LONRF2: variants seen among roughly 807,000 people sequenced by gnomAD.
The protein encoded by LONRF2 is LON peptidase N-terminal domain and ring finger 2, also known as LON peptidase N-terminal domain and RING finger protein 2.
In LONRF2, 35 loss-of-function variants were observed where a neutral mutation model predicts 66.6. The ratio of observed to expected loss-of-function variants is 0.53; its 90% CI spans 0.40 to 0.70. The LOEUF (loss-of-function observed/expected upper bound fraction) is 0.70. Among genes scored for constraint, LONRF2 ranks in the 30% least tolerant of loss-of-function variants. The pLI is 0.00. For missense variants in LONRF2, 902 were observed against 1,002.1 expected (o/e 0.90, Z 1.35); for synonymous variants, 417 against 418.1 (o/e 1.00, Z 0.03).
At chr2:100,295,310 C>A in intron 8 of LONRF2, 122 bp downstream of exon 8, 2 of 808,288 alleles carry the variant, frequency 2.5e-6, no homozygotes, top group Non-Finnish European at 3.6e-6. Context: ...TTGCAATTAA[C>A]ATCCTTTTCC....
chr2:100,316,455 T>C (rs931115050), intron 1 of LONRF2, among the ~76,000 whole-genome samples: 1 of 151,984 alleles, frequency 6.6e-6, no homozygotes, highest in Non-Finnish European at 1.5e-5. Context: ...TATAAAAATA[T>C]ATTGCTTAAT....
chr2:100,309,956 A>G (rs1675376543), intron 1 of LONRF2, among the ~76,000 whole-genome samples: 1 of 152,196 alleles, frequency 6.6e-6, no homozygotes, highest in South Asian at 2.1e-4. Flanking sequence ...TACAGGTGTG[A>G]GCCACCATGC....
At chr2:100,305,660 G>A (rs1168358910) in intron 2 of LONRF2, among the ~76,000 whole-genome samples, 2 of 152,158 alleles carry the variant, frequency 1.3e-5, no homozygotes, top group African/African-American at 4.8e-5. Context: ...GACATGATGA[G>A]TACTTTAGAC....
intron 1 of LONRF2, among the ~76,000 whole-genome samples, chr2:100,316,335 A>AAAAAG (rs1675506679): frequency 8.8e-6 from 1 of 113,380 alleles, no homozygotes; most frequent in Admixed American, 9.2e-5. Context: ...AAAAAAAAAA[A>AAAAAG]AAAGAAAGAA....
chr2:100,316,861 G>T (rs1024884155), intron 1 of LONRF2, among the ~76,000 whole-genome samples: 1 of 152,028 alleles, frequency 6.6e-6, no homozygotes, highest in South Asian at 2.1e-4. Flanking sequence ...TACACTTGTT[G>T]TTAGGTGCAT....
chr2:100,296,123 G>A (rs569693951), intron 7 of LONRF2, among the ~76,000 whole-genome samples: 1 of 152,214 alleles, frequency 6.6e-6, no homozygotes, highest in South Asian at 2.1e-4. Context: ...GGGAAGGTAG[G>A]AGACTGAACA....
chr2:100,304,622 A>ATTTT, intron 2 of LONRF2, among the ~76,000 whole-genome samples: 1 of 99,898 alleles, frequency 1.0e-5, no homozygotes, highest in African/African-American at 4.2e-5. Flanking sequence ...ATTTTAGTTG[A>ATTTT]CTGTTTTTTT....
At chr2:100,317,637 C>G (rs958976418) in intron 1 of LONRF2, among the ~76,000 whole-genome samples, 12 of 152,278 alleles carry the variant, frequency 7.9e-5, no homozygotes, top group African/African-American at 2.4e-4. Context: ...TCATGAAATG[C>G]AATTCTGATG....
chr2:100,275,625 A>T lies in LONRF2; in HGVS notation c.*8673T>A, dbSNP rs1168283611. On this transcript the variant is annotated 3_prime_UTR_variant, in exon 12 of 12. Coordinates refer to ENST00000393437, the MANE Select transcript of LONRF2 (RefSeq NM_198461.4). ...TCCTCAATCCGGTGGGATGCAAAGG[A>T]TCTATCCATAGAGACCAGTGGCTTG... is the stretch of plus-strand genomic sequence containing the variant. 1 of 152,184 alleles carries T rather than the reference A, an allele frequency of 6.6e-6. No individual in the cohort carries two copies. Among genetic ancestry groups the T allele is most frequent in the Non-Finnish European group, 1.5e-5 (1 of 68,058 alleles). The allele number at this position is 152,184 out of a possible 1,614,324, so 9.4% of individuals were successfully genotyped here.
rs1234493722 is a variant in LONRF2 at position 100,283,129 on chromosome 2, A to G, written c.*1169T>C. The G allele has an allele frequency of 5.9e-5, 9 of 152,198 alleles. No homozygotes were observed. The highest frequency in any genetic ancestry group is 1.0e-4 in the Non-Finnish European group (7 of 68,036). 9.4% of individuals were successfully genotyped at this position (152,198 alleles called of 1,614,324 possible). On this transcript the variant is annotated 3_prime_UTR_variant, in exon 12 of 12. Coordinates refer to ENST00000393437, the MANE Select transcript of LONRF2 (RefSeq NM_198461.4). ...TATCTCAGATTCAGTTATTCCAATC[A>G]ATATCACCAACGTGCATTACAGGAT...
intron 4 of LONRF2, 128 bp from the exon 5 acceptor site, chr2:100,300,046 A>C: frequency 1.6e-6 from 1 of 609,104 alleles, no homozygotes; most frequent in South Asian, 2.1e-5. Context: ...CTTCTTCATA[A>C]TTGGTTTCAT....
intron 10 of LONRF2, among the ~76,000 whole-genome samples, chr2:100,289,036 G>T (rs759068668): frequency 1.3e-5 from 2 of 152,030 alleles, no homozygotes; most frequent in Non-Finnish European, 2.9e-5. Flanking sequence ...AATTCTTAAG[G>T]GTTAATAAAT....
rs1675454631 is a variant in LONRF2, at chr2:100,313,826, G to A, written c.680-4601C>T. Among the ~76,000 whole-genome samples, 3 of 151,940 alleles carry A rather than the reference G, an allele frequency of 2.0e-5. 1 individual carries two copies. The South Asian group carries it at 6.2e-4, about 32-fold the overall frequency. On this transcript the variant is annotated intron_variant, in intron 1 of 11. Transcript: ENST00000393437. ...TCCTGTTTTCTAACTTCTATAAATG[G>A]ATATTTATAAATGGAATGTACTTTT... is the stretch of plus-strand genomic sequence containing the variant.
At chr2:100,288,249 C>T (rs1262642966) in intron 10 of LONRF2, among the ~76,000 whole-genome samples, 2 of 152,142 alleles carry the variant, frequency 1.3e-5, no homozygotes, top group East Asian at 3.9e-4. Flanking sequence ...CTGCTCTGCT[C>T]CCATGCACTG....
chr2:100,303,087 T>C, intron 2 of LONRF2, 44 bp from the exon 3 acceptor site: 2 of 1,526,830 alleles, frequency 1.3e-6, no homozygotes, highest in Non-Finnish European at 1.8e-6. Flanking sequence ...AAACCCAGCA[T>C]GATTATATAC....
At chr2:100,294,423 G>A (rs1171934635) in intron 8 of LONRF2, 36 bp from the exon 9 acceptor site, 14 of 1,516,536 alleles carry the variant, frequency 9.2e-6, no homozygotes, top group Non-Finnish European at 1.1e-5. Context: ...TCAGATGTAT[G>A]AGCTGTTAGA....
intron 1 of LONRF2, among the ~76,000 whole-genome samples, chr2:100,316,390 TTAGA>T (rs1159556870): frequency 6.6e-6 from 1 of 151,200 alleles, no homozygotes; most frequent in Non-Finnish European, 1.5e-5. Context: ...CTAATAATTA[TTAGA>T]TAATTAGAAA....
In LONRF2 at chr2:100,322,001, G is replaced by C; in HGVS notation, c.93C>G (p.Asp31Glu). 2 of 1,456,650 alleles carry C rather than the reference G, an allele frequency of 1.4e-6. No homozygotes were observed. Among genetic ancestry groups the C allele is most frequent in the Non-Finnish European group, 1.8e-6 (2 of 1,105,604 alleles). The allele number at this position is 1,456,650 out of a possible 1,614,324, so 90.2% of individuals were successfully genotyped here. A position where few individuals can be genotyped will look rare whatever the true frequency, so the allele number is the denominator to read the frequency against. The change falls in exon 1 of 12, where the codon GAC becomes GAG. Residue 31 changes from aspartate (D) to glutamate (E), a missense_variant. Coordinates refer to ENST00000393437, the MANE Select transcript of LONRF2 (RefSeq NM_198461.4). ...CGTAGTCGCCCGCGCGGAAGGCCTC[G>C]TCGCCCTCCTCTAAGCGCTGGGCGA... ...EPIAQRLEEG[D>E]EAFRAGDYEM...
In LONRF2 at chr2:100,277,763, C is replaced by T. The variant is rs1220945459; in HGVS notation, c.*6535G>A. The T allele has an allele frequency of 6.6e-6, 1 of 152,182 alleles. No homozygotes were observed. The highest frequency in any genetic ancestry group is 1.5e-5 in the Non-Finnish European group (1 of 68,040). The allele number at this position is 152,182 out of a possible 1,614,324, so 9.4% of individuals were successfully genotyped here. ...GCTGGATGCCCTGGTCAGCACAGCGCCCCAGCTTCACATTTATGGCCAACT... is the reference window on the plus strand; with the variant it reads ...GCTGGATGCCCTGGTCAGCACAGCGTCCCAGCTTCACATTTATGGCCAACT... On this transcript the variant is annotated 3_prime_UTR_variant, in exon 12 of 12. Coordinates refer to ENST00000393437, the MANE Select transcript of LONRF2 (RefSeq NM_198461.4).
Sources: allele counts gnomAD v4.1 joint callset (sites outside exome capture counted in the v4.1 genomes callset), GRCh38; gene constraint gnomAD v4.1.1; transcripts MANE v1.5; gene names NCBI Gene and HGNC (gene_info 2026-07-23, HGNC 2026-07-21).